Variants in IGF1R observed in about 807,000 individuals in gnomAD.
IGF1R encodes insulin-like growth factor 1 receptor.
In IGF1R, 44 loss-of-function variants were observed where a neutral mutation model predicts 144.6. The ratio of observed to expected loss-of-function variants is 0.30; its 90% CI spans 0.24 to 0.39. The LOEUF (loss-of-function observed/expected upper bound fraction) is 0.39, where lower values mean the gene tolerates loss of function less well. Among genes scored for constraint, IGF1R ranks in the 10% least tolerant of loss-of-function variants. The probability of loss-of-function intolerance (pLI) is 1.00; values close to 1 mark genes in which losing one functional copy is unlikely to be tolerated. For missense variants in IGF1R, 1,355 were observed against 1,833.7 expected (o/e 0.74, Z 4.77); for synonymous variants, 795 against 722.8 (o/e 1.10, Z -1.60).
In IGF1R at chr15:98,689,234, CTTTTTTTTT is replaced by C. The variant is rs890361771; in HGVS notation, c.95-18312_95-18304del. 6.8e-3 allele frequency among the ~76,000 whole-genome samples: 690 copies of C among 100,954 alleles called. 4 individuals are homozygous for C. The highest frequency in any genetic ancestry group is 0.034 in the Middle Eastern group (6 of 178). 66.2% of individuals were successfully genotyped at this position (100,954 alleles called of 152,430 possible). ...CAAGCAGCTTTGGACAGTTGCACTA[CTTTTTTTTT>C]TTTTTTTTTTTTTTTGACAGAGTCT... On this transcript the variant is annotated intron_variant, in intron 1 of 20. Transcript: ENST00000650285.
chr15:98,901,502 G>A (rs772462274), intron 5 of IGF1R, among the ~76,000 whole-genome samples: 1 of 152,180 alleles, frequency 6.6e-6, no homozygotes, highest in Non-Finnish European at 1.5e-5. Flanking sequence ...TGTTGAGACC[G>A]CTAGCAACAC....
At chr15:98,774,450 T>C (rs906691539) in intron 2 of IGF1R, among the ~76,000 whole-genome samples, 1 of 152,188 alleles carries the variant, frequency 6.6e-6, no homozygotes, top group African/African-American at 2.4e-5. Context: ...GGTTTGACTA[T>C]CGAGTTTAGA....
intron 2 of IGF1R, among the ~76,000 whole-genome samples, chr15:98,865,587 TG>T: frequency 6.6e-6 from 1 of 152,220 alleles, no homozygotes; most frequent in South Asian, 2.1e-4. Context: ...GGCGTGGCTT[TG>T]TGGTTTGGGA....
intron 2 of IGF1R, among the ~76,000 whole-genome samples, chr15:98,760,421 A>G (rs1719687919): frequency 6.6e-6 from 1 of 152,192 alleles, no homozygotes; most frequent in Non-Finnish European, 1.5e-5. Context: ...TGCCTAAGTC[A>G]TCTTGAAAAC....
chr15:98,812,784 A>G (rs2056618111), intron 2 of IGF1R, among the ~76,000 whole-genome samples: 1 of 152,184 alleles, frequency 6.6e-6, no homozygotes, highest in Admixed American at 6.5e-5. Flanking sequence ...TTTCTTACGT[A>G]TTAATATACT....
chr15:98,942,491 T>C (rs946124821), intron 18 of IGF1R, among the ~76,000 whole-genome samples: 2 of 152,028 alleles, frequency 1.3e-5, no homozygotes, highest in Non-Finnish European at 2.9e-5. Flanking sequence ...ACACCACCAC[T>C]CACAACTGAC....
intron 1 of IGF1R, among the ~76,000 whole-genome samples, chr15:98,690,246 G>A (rs1215456394): frequency 6.6e-6 from 1 of 152,210 alleles, no homozygotes; most frequent in Non-Finnish European, 1.5e-5. Context: ...AGGAGGCTGA[G>A]GCAGGAGGAT....
chr15:98,942,903 C>T lies in IGF1R; in HGVS notation c.3458-20C>T, dbSNP rs573566374. 367 of 1,613,810 alleles carry T rather than the reference C, an allele frequency of 2.3e-4. 6 individuals carry two copies. In the South Asian group the frequency reaches 3.8e-3, roughly 17 times the overall value. On this transcript the variant is annotated intron_variant, in intron 18 of 20. Transcript: ENST00000650285. ...GTGCCTGCTCCAGCGTGTGACTCTG[C>T]GCCCTCTCTTCCCTTACAGATTTTG...
At chr15:98,702,946 TAAAA>T (rs899652040) in intron 1 of IGF1R, among the ~76,000 whole-genome samples, 6 of 152,026 alleles carry the variant, frequency 3.9e-5, no homozygotes, top group Admixed American at 3.3e-4. Context: ...CAAAAAACAA[TAAAA>T]AATAAATAAA....
At chr15:98,840,134 A>G (rs867552354) in intron 2 of IGF1R, among the ~76,000 whole-genome samples, 2 of 152,080 alleles carry the variant, frequency 1.3e-5, no homozygotes, top group African/African-American at 2.4e-5. Flanking sequence ...CTTCCCGGAC[A>G]TCTTTGCTAG....
chr15:98,741,291 A>C (rs1424517786), intron 2 of IGF1R, among the ~76,000 whole-genome samples: 1 of 136,888 alleles, frequency 7.3e-6, no homozygotes, highest in Non-Finnish European at 1.6e-5. Flanking sequence ...AAGCTGAAAA[A>C]CTCTTGGCTT....
chr15:98,690,198 C>T (rs1271914934), intron 1 of IGF1R, among the ~76,000 whole-genome samples: 1 of 152,042 alleles, frequency 6.6e-6, no homozygotes, highest in East Asian at 1.9e-4. Flanking sequence ...AAAAAATTAG[C>T]CAAGCATGGT....
At chr15:98,780,054 T>C in intron 2 of IGF1R, among the ~76,000 whole-genome samples, 1 of 152,076 alleles carries the variant, frequency 6.6e-6, no homozygotes, top group Non-Finnish European at 1.5e-5. Context: ...ACTCCACCTC[T>C]TCAGAGTTTG....
At chr15:98,803,049 T>G (rs957092855) in intron 2 of IGF1R, among the ~76,000 whole-genome samples, 1 of 152,182 alleles carries the variant, frequency 6.6e-6, no homozygotes, top group Non-Finnish European at 1.5e-5. Flanking sequence ...TAATTAAAAA[T>G]GTACAGATCT....
intron 1 of IGF1R, chr15:98,650,809 T>C: frequency 2.8e-6 from 2 of 715,468 alleles, no homozygotes; most frequent in Non-Finnish European, 3.4e-6. Flanking sequence ...CCTTTGTACG[T>C]AGTTAATAAG....
At chr15:98,893,241 C>T (rs190859478) in intron 3 of IGF1R, among the ~76,000 whole-genome samples, 7 of 152,254 alleles carry the variant, frequency 4.6e-5, no homozygotes, top group South Asian at 2.1e-4. Context: ...TATTTGGAGA[C>T]GCAGCTTCTA....
chr15:98,789,149 A>C (rs936528115), intron 2 of IGF1R, among the ~76,000 whole-genome samples: 1 of 152,206 alleles, frequency 6.6e-6, no homozygotes, highest in Non-Finnish European at 1.5e-5. Flanking sequence ...AACTTAACTC[A>C]GATCGTGATT....
Position 98,722,844 on chromosome 15 carries a change from G to A in IGF1R, c.640+14737G>A, listed in dbSNP as rs1022091082. On this transcript the variant is annotated intron_variant, in intron 2 of 20. Transcript: ENST00000650285. ...TGAGAGAGCAGGCACTGAGTGCCCC[G>A]AGTTTCCTGCCTGTGTGGGCAGGAG... Among the ~76,000 whole-genome samples the A allele has an allele frequency of 1.3e-4, 20 of 152,244 alleles. No homozygotes were observed. The East Asian group carries it at 3.9e-3, about 29-fold the overall frequency.
At chr15:98,758,388 G>A (rs2055210806) in intron 2 of IGF1R, among the ~76,000 whole-genome samples, 1 of 152,058 alleles carries the variant, frequency 6.6e-6, no homozygotes, top group African/African-American at 2.4e-5. Flanking sequence ...TCCTCAGTGG[G>A]TCATGGTTTT....
Sources: allele counts gnomAD v4.1 joint callset (sites outside exome capture counted in the v4.1 genomes callset), GRCh38; gene constraint gnomAD v4.1.1; transcripts MANE v1.5; gene names NCBI Gene and HGNC (gene_info 2026-07-23, HGNC 2026-07-21).